TANC2: variants seen among roughly 807,000 people sequenced by gnomAD.
TANC2 encodes the protein protein TANC2.
Under a neutral mutation model 210.5 loss-of-function variants are expected in TANC2, and 26 were observed. The observed-to-expected ratio is 0.12, with a 90% CI of 0.09 to 0.17. The LOEUF (loss-of-function observed/expected upper bound fraction) is 0.17, where lower values mean the gene tolerates loss of function less well. Ranked by LOEUF, TANC2 falls within the 10% of genes least tolerant of loss-of-function variation. The pLI, the probability that TANC2 is intolerant of heterozygous loss-of-function variation, is 1.00. For synonymous variants in TANC2, 931 were observed against 967.1 expected, an observed-to-expected ratio of 0.96 and a Z score of 0.69; for missense variants, 2,129 against 2,608.9, an observed-to-expected ratio of 0.82 and a Z score of 4.01.
At chr17:63,294,311 A>G (rs1187773169) in intron 9 of TANC2, among the ~76,000 whole-genome samples, 1 of 152,130 alleles carries the variant, frequency 6.6e-6, no homozygotes, top group East Asian at 1.9e-4. Flanking sequence ...CCCTGTCTCT[A>G]CAAAGAAATA....
intron 2 of TANC2, among the ~76,000 whole-genome samples, chr17:63,068,542 G>A (rs1341354259): frequency 6.6e-6 from 1 of 152,028 alleles, no homozygotes; most frequent in African/African-American, 2.4e-5. Flanking sequence ...CTATAAATTT[G>A]GAGACTATCT....
At chr17:63,256,689 T>C (rs1302241726) in intron 8 of TANC2, among the ~76,000 whole-genome samples, 1 of 152,192 alleles carries the variant, frequency 6.6e-6, no homozygotes, top group Non-Finnish European at 1.5e-5. Flanking sequence ...GACAGTGGGG[T>C]GTTGAGGTCT....
chr17:62,968,142 A>G (rs2031468932), intron 1 of TANC2, among the ~76,000 whole-genome samples: 1 of 152,248 alleles, frequency 6.6e-6, no homozygotes, highest in Non-Finnish European at 1.5e-5. Flanking sequence ...CTGGAATTTC[A>G]GAAGTAACAA....
At position 63,204,387 on chromosome 17, in the gene TANC2, A is replaced by G. The variant is rs188590406; in HGVS notation, c.769+3430A>G. Among the ~76,000 whole-genome samples the G allele has an allele frequency of 8.9e-4, 136 of 152,292 alleles. 2 individuals carry two copies. The highest frequency in any genetic ancestry group is 3.1e-3 in the African/African-American group (128 of 41,550). Reference sequence around the variant, plus strand: ...GTCTTCATGGATTGGAAGACTTGCTATTGTTAAGATAACAATATTTATCAA... The same window carrying G: ...GTCTTCATGGATTGGAAGACTTGCTGTTGTTAAGATAACAATATTTATCAA... On this transcript the variant is annotated intron_variant, in intron 7 of 27. Coordinates refer to ENST00000689528, the Ensembl canonical transcript of TANC2.
intron 15 of TANC2, chr17:63,381,640 T>C (rs1208222824): frequency 6.6e-6 from 1 of 152,224 alleles, no homozygotes; most frequent in Non-Finnish European, 1.5e-5. Context: ...AGGTGATGTT[T>C]GTAAATAACC....
chr17:63,307,021 A>G (rs1388550546), intron 9 of TANC2, among the ~76,000 whole-genome samples: 1 of 152,214 alleles, frequency 6.6e-6, no homozygotes, highest in Non-Finnish European at 1.5e-5. Flanking sequence ...ACATAGTAGC[A>G]TTTACGCTGA....
At chr17:63,106,367 G>A (rs2037823221) in intron 4 of TANC2, among the ~76,000 whole-genome samples, 1 of 151,600 alleles carries the variant, frequency 6.6e-6, no homozygotes, top group Non-Finnish European at 1.5e-5. Flanking sequence ...AAAGAATGTT[G>A]GGGATTTATA....
chr17:63,270,196 C>T (rs754547950), intron 9 of TANC2, among the ~76,000 whole-genome samples: 2 of 152,068 alleles, frequency 1.3e-5, no homozygotes, highest in Non-Finnish European at 1.5e-5. Context: ...AGTCCCTGAA[C>T]AATAATCCTC....
At chr17:63,131,876 G>A (rs1056444549) in intron 4 of TANC2, among the ~76,000 whole-genome samples, 4 of 152,126 alleles carry the variant, frequency 2.6e-5, no homozygotes, top group Admixed American at 6.5e-5. Context: ...GCTATTGAAT[G>A]CAGGAGCAGA....
At chr17:63,012,025 T>C (rs2143860411) in intron 2 of TANC2, among the ~76,000 whole-genome samples, 1 of 151,182 alleles carries the variant, frequency 6.6e-6, no homozygotes, top group East Asian at 1.9e-4. Context: ...AACTTTTTTT[T>C]TTTTTTTTTG....
exon 28 of TANC2, chr17:63,424,554 T>G (rs2049101029): frequency 6.6e-6 from 1 of 152,198 alleles, no homozygotes; most frequent in Non-Finnish European, 1.5e-5. Flanking sequence ...AGGAAATGTT[T>G]CAGATGAAAC....
chr17:63,149,959 G>A (rs1391138440), intron 4 of TANC2: 1 of 152,074 alleles, frequency 6.6e-6, no homozygotes, highest in Non-Finnish European at 1.5e-5. Flanking sequence ...AAGGTATAAA[G>A]CGTGACTTAG....
At chr17:63,393,770 ATTATTAT>A (rs1244411578) in intron 17 of TANC2, among the ~76,000 whole-genome samples, 1 of 127,260 alleles carries the variant, frequency 7.9e-6, no homozygotes, top group Non-Finnish European at 1.7e-5. Context: ...TATTATTATT[ATTATTAT>A]TTTTTTTTTT....
chr17:63,254,667 T>A (rs985196889), intron 8 of TANC2, among the ~76,000 whole-genome samples: 3 of 152,212 alleles, frequency 2.0e-5, no homozygotes, highest in African/African-American at 7.2e-5. Context: ...CCAGTTTTTT[T>A]AGGATTTTTA....
intron 9 of TANC2, among the ~76,000 whole-genome samples, chr17:63,292,249 C>CCTAG (rs1392208819): frequency 5.3e-5 from 8 of 151,974 alleles, no homozygotes; most frequent in Admixed American, 3.9e-4. Context: ...AAATATAGAA[C>CCTAG]CTAGGATTGG....
At chr17:63,268,013 G>A (rs3744279) in intron 9 of TANC2, 140 bp downstream of exon 9, 148,053 of 883,786 alleles carry the variant, frequency 0.17, 14,081 homozygotes, top group Non-Finnish European at 0.19. Context: ...CATGTGACCA[G>A]TTCATTTCTG....
rs183472187 is a variant in TANC2 at position 63,052,540 on chromosome 17, T to A, written c.68-21403T>A. Among the ~76,000 whole-genome samples the A allele has an allele frequency of 6.4e-4, 98 of 152,306 alleles. No individual in the cohort carries two copies. In the East Asian group the frequency reaches 0.017, roughly 26 times the overall value. ...AGTATATTATTTAGGATTTTTATGGTTGCAAGTAACAGAAAATTTGAATCA... is the reference window on the plus strand; with the variant it reads ...AGTATATTATTTAGGATTTTTATGGATGCAAGTAACAGAAAATTTGAATCA... On this transcript the variant is annotated intron_variant, in intron 2 of 27. Coordinates refer to ENST00000689528, the Ensembl canonical transcript of TANC2.
intron 9 of TANC2, among the ~76,000 whole-genome samples, chr17:63,282,129 T>C (rs891462047): frequency 6.6e-6 from 1 of 151,806 alleles, no homozygotes; most frequent in Admixed American, 6.6e-5. Context: ...CAGAAATCAG[T>C]GGAGTAAGAA....
At chr17:63,184,146 C>T (rs1200182124) in intron 5 of TANC2, among the ~76,000 whole-genome samples, 1 of 152,008 alleles carries the variant, frequency 6.6e-6, no homozygotes, top group Non-Finnish European at 1.5e-5. Context: ...CTTGAAATCT[C>T]TTGATTTCTA....
Sources: gnomAD v4.1 joint callset for allele counts (sites outside exome capture counted in the v4.1 genomes callset) on GRCh38, gnomAD v4.1.1 for gene constraint, MANE v1.5 for transcripts, NCBI Gene and HGNC (gene_info 2026-07-23, HGNC 2026-07-21) for gene names.